The following TAF1A variants were observed in gnomAD, a reference collection of about 807,000 sequenced individuals.
TAF1A encodes the protein TATA-box binding protein associated factor, RNA polymerase I subunit A.
A neutral mutation model predicts 61.6 loss-of-function variants in TAF1A; 42 were observed. That is an observed-to-expected ratio of 0.68 (90% CI 0.53 to 0.88). The LOEUF (loss-of-function observed/expected upper bound fraction) is 0.88, where lower values mean the gene tolerates loss of function less well. TAF1A is among the 40% of genes least tolerant of loss of function. The pLI is 0.00. For missense variants in TAF1A, 424 were observed against 518.7 expected, an observed-to-expected ratio of 0.82 and a Z score of 1.77; for synonymous variants, 179 against 177.7, an observed-to-expected ratio of 1.01 and a Z score of -0.06.
chr1:222,584,029 A>T, intron 3 of TAF1A, 99 bp downstream of exon 3: 1 of 1,420,128 alleles, frequency 7.0e-7, no homozygotes, highest in South Asian at 1.3e-5. Flanking sequence ...AGCTTTTAGC[A>T]AAATCACTGA....
At chr1:222,575,230 T>A (rs929180162) in intron 5 of TAF1A, among the ~76,000 whole-genome samples, 7 of 151,902 alleles carry the variant, frequency 4.6e-5, no homozygotes, top group East Asian at 1.9e-4. Flanking sequence ...AAATTTTTTT[T>A]AAAAAAAGGG....
chr1:222,570,113 C>A (rs1048353075), intron 6 of TAF1A, among the ~76,000 whole-genome samples: 1 of 152,186 alleles, frequency 6.6e-6, no homozygotes, highest in African/African-American at 2.4e-5. Flanking sequence ...GTGCCTAGCA[C>A]CAAGGCCCTC....
At chr1:222,564,033 G>T in intron 8 of TAF1A, 26 bp downstream of exon 8, 1 of 1,393,798 alleles carries the variant, frequency 7.2e-7, no homozygotes, top group South Asian at 1.2e-5. Flanking sequence ...GTCTACACAA[G>T]GTATAAAACA....
At chr1:222,579,920 CA>C in intron 3 of TAF1A, 48 bp from the exon 4 acceptor site, 1 of 1,575,908 alleles carries the variant, frequency 6.3e-7, no homozygotes, top group Non-Finnish European at 8.6e-7. Context: ...TTGCCTTAAC[CA>C]ATTTCTGTCT....
chr1:222,568,570 C>T (rs1227890071), intron 7 of TAF1A, among the ~76,000 whole-genome samples: 1 of 152,160 alleles, frequency 6.6e-6, no homozygotes, highest in Non-Finnish European at 1.5e-5. Flanking sequence ...GGGACACCCA[C>T]AAGAGGCTAT....
downstream of TAF1A, among the ~76,000 whole-genome samples, chr1:222,554,196 A>G (rs1278980134): frequency 6.6e-6 from 1 of 152,204 alleles, no homozygotes; most frequent in African/African-American, 2.4e-5. Flanking sequence ...AGTTCCATTG[A>G]TAAGATTATC....
chr1:222,570,278 T>C (rs1299243488), intron 6 of TAF1A, among the ~76,000 whole-genome samples: 2 of 152,216 alleles, frequency 1.3e-5, no homozygotes, highest in African/African-American at 2.4e-5. Flanking sequence ...ACTGCATTTC[T>C]TTTAAGCTCA....
chr1:222,578,921 GTTTC>G (rs761356146), intron 4 of TAF1A, among the ~76,000 whole-genome samples: 69 of 152,088 alleles, frequency 4.5e-4, no homozygotes, highest in Non-Finnish European at 8.2e-4. Flanking sequence ...TTCCCTTTCA[GTTTC>G]TTTACTTCAA....
intron 2 of TAF1A, 79 bp downstream of exon 2, chr1:222,588,364 T>G (rs1388180792): frequency 6.7e-7 from 1 of 1,503,268 alleles, no homozygotes; most frequent in Non-Finnish European, 9.0e-7. Context: ...TAAACCAGTC[T>G]GGTTATTCAT....
At chr1:222,588,767 C>T (rs1661129913) in intron 1 of TAF1A, among the ~76,000 whole-genome samples, 1 of 152,152 alleles carries the variant, frequency 6.6e-6, no homozygotes, top group Non-Finnish European at 1.5e-5. Context: ...AAAGACCGAA[C>T]CACTAATGTT....
intron 9 of TAF1A, among the ~76,000 whole-genome samples, chr1:222,562,238 A>G (rs1571794809): frequency 1.3e-5 from 2 of 152,342 alleles, no homozygotes; most frequent in South Asian, 2.1e-4. Flanking sequence ...CTCTACTCAT[A>G]GTAAATTTCC....
At chr1:222,567,341 G>A (rs183577671) in intron 7 of TAF1A, among the ~76,000 whole-genome samples, 239 of 152,174 alleles carry the variant, frequency 1.6e-3, no homozygotes, top group Admixed American at 3.1e-3. Context: ...TTTCTACTTC[G>A]GATAACGAAA....
intron 4 of TAF1A, 73 bp from the exon 5 acceptor site, chr1:222,577,716 A>G (rs1255868180): frequency 1.3e-5 from 18 of 1,352,356 alleles, no homozygotes; most frequent in Non-Finnish European, 1.8e-5. Context: ...CAGTAAATAT[A>G]TAATACATGC....
At chr1:222,585,815 T>C (rs1660992339) in intron 2 of TAF1A, among the ~76,000 whole-genome samples, 1 of 148,696 alleles carries the variant, frequency 6.7e-6, no homozygotes, top group Non-Finnish European at 1.5e-5. Flanking sequence ...GTTCATAATT[T>C]TTTTTAAAAT....
chr1:222,581,619 C>T (rs924447420), intron 3 of TAF1A, among the ~76,000 whole-genome samples: 1 of 152,134 alleles, frequency 6.6e-6, no homozygotes, highest in African/African-American at 2.4e-5. Context: ...ACAAGGAGAT[C>T]AGGAGTGCCA....
At chr1:222,580,951 G>C (rs1660765759) in intron 3 of TAF1A, among the ~76,000 whole-genome samples, 1 of 152,080 alleles carries the variant, frequency 6.6e-6, no homozygotes, top group Non-Finnish European at 1.5e-5. Flanking sequence ...AGGAGAGTGA[G>C]ACCATCCTGG....
At chr1:222,586,190 C>T (rs1368916403) in intron 2 of TAF1A, among the ~76,000 whole-genome samples, 3 of 152,034 alleles carry the variant, frequency 2.0e-5, no homozygotes, top group East Asian at 3.9e-4. Context: ...GAGTACTATG[C>T]CCAGCTCTCT....
chr1:222,557,719 A>T (rs1659754495), downstream of TAF1A, among the ~76,000 whole-genome samples: 2 of 151,758 alleles, frequency 1.3e-5, no homozygotes, highest in Non-Finnish European at 2.9e-5. Context: ...GCCAGGCACC[A>T]AAAAAGCCGA....
chr1:222,575,224 T>A (rs1299386942), intron 5 of TAF1A, among the ~76,000 whole-genome samples: 9 of 151,886 alleles, frequency 5.9e-5, no homozygotes, highest in African/African-American at 1.7e-4. Context: ...GGAAAAAAAT[T>A]TTTTTTAAAA....
Sources: allele counts gnomAD v4.1 joint callset (sites outside exome capture counted in the v4.1 genomes callset), GRCh38; gene constraint gnomAD v4.1.1; transcripts MANE v1.5; gene names NCBI Gene and HGNC (gene_info 2026-07-23, HGNC 2026-07-21).